The following CMPK1 variants were observed in gnomAD, a reference collection of about 807,000 sequenced individuals.
CMPK1 encodes cytidine/uridine monophosphate kinase 1, also known as UMP-CMP kinase.
In CMPK1, 10 loss-of-function variants were observed where a neutral mutation model predicts 25.7. The ratio of observed to expected loss-of-function variants is 0.39; its 90% confidence interval spans 0.24 to 0.66. CMPK1 has a LOEUF of 0.66. Ranked by LOEUF, CMPK1 falls within the 30% of genes least tolerant of loss-of-function variation. CMPK1 has a pLI of 0.48. For synonymous variants in CMPK1, 106 were observed against 101.5 expected (o/e 1.04, Z -0.27); for missense variants, 199 against 280.5 (o/e 0.71, Z 2.08).
In CMPK1 at chr1:47,357,184, C is replaced by G. The variant is rs923037109; in HGVS notation, c.172-11285C>G. On this transcript the variant is annotated intron_variant, in intron 1 of 5. Coordinates refer to ENST00000371873, the MANE Select transcript of CMPK1 (RefSeq NM_016308.3). ...TTCACCGTGTTAGCCAGGATGGTCT[C>G]GATCTTCTGACCTGGTGATCTGCCT... Among the ~76,000 whole-genome samples the G allele has an allele frequency of 9.2e-5, 14 of 152,118 alleles. No individual in the cohort carries two copies. In the East Asian group the frequency reaches 2.3e-3, roughly 25 times the overall value.
intron 2 of CMPK1, among the ~76,000 whole-genome samples, chr1:47,372,473 AC>A (rs1557433222): frequency 6.6e-6 from 1 of 152,208 alleles, no homozygotes; most frequent in Non-Finnish European, 1.5e-5. Flanking sequence ...AGAGTTGAGC[AC>A]CTGTAGAAGT....
intron 5 of CMPK1, among the ~76,000 whole-genome samples, chr1:47,375,967 C>G (rs992148008): frequency 6.6e-6 from 1 of 152,054 alleles, no homozygotes; most frequent in African/African-American, 2.4e-5. Context: ...TCCATTGACA[C>G]TTTGTATAGA....
At chr1:47,342,805 A>C (rs1646451247) in intron 1 of CMPK1, among the ~76,000 whole-genome samples, 1 of 151,428 alleles carries the variant, frequency 6.6e-6, no homozygotes, top group African/African-American at 2.4e-5. Context: ...ACTTGCCACC[A>C]TGCCCAGCTA....
chr1:47,355,543 G>A (rs2149329721), intron 1 of CMPK1, among the ~76,000 whole-genome samples: 1 of 151,628 alleles, frequency 6.6e-6, no homozygotes, highest in South Asian at 2.1e-4. Flanking sequence ...TGAAACTCCT[G>A]ACCTCGTAAT....
chr1:47,365,508 C>T (rs1473034435), intron 1 of CMPK1, among the ~76,000 whole-genome samples: 1 of 151,700 alleles, frequency 6.6e-6, no homozygotes, highest in Non-Finnish European at 1.5e-5. Flanking sequence ...GTGGCATGTA[C>T]CACTAGTCCC....
Position 47,376,894 on chromosome 1 carries a change from T to A in CMPK1, c.*149T>A. ...CATGGTAAAACAAAGTAAATTTTTT[T>A]ATGTTCTTTTTTTTGGTCACAGGAG... On this transcript the variant is annotated 3_prime_UTR_variant, in exon 6 of 6. Transcript: ENST00000371873. 2.1e-6 allele frequency: 1 copy of A among 484,116 alleles called. No individual in the cohort carries two copies. Among genetic ancestry groups the A allele is most frequent in the South Asian group, 3.5e-5 (1 of 28,244 alleles). 30.0% of individuals were successfully genotyped at this position (484,116 alleles called of 1,614,324 possible).
rs567929980 is a variant in CMPK1, at chr1:47,370,412, G to A, written c.318+1797G>A. ...CCAGCACTTTGGGAGGCCGAGGCAG[G>A]GGGATCACTTGAGGTCAGGAGTTCG... On this transcript the variant is annotated intron_variant, in intron 2 of 5. Transcript: ENST00000371873. 2.6e-5 allele frequency among the ~76,000 whole-genome samples: 4 copies of A among 151,840 alleles called. No homozygotes were observed. The South Asian group carries it at 6.2e-4, about 24-fold the overall frequency.
At chr1:47,360,752 A>G (rs1037360856) in intron 1 of CMPK1, among the ~76,000 whole-genome samples, 7 of 152,196 alleles carry the variant, frequency 4.6e-5, no homozygotes, top group Non-Finnish European at 2.9e-5. Flanking sequence ...ATGGATTTAC[A>G]GTAAGTCGAA....
At chr1:47,339,317 A>G (rs1343914601) in intron 1 of CMPK1, among the ~76,000 whole-genome samples, 2 of 152,012 alleles carry the variant, frequency 1.3e-5, no homozygotes, top group Non-Finnish European at 2.9e-5. Flanking sequence ...GCCTCACCCA[A>G]GAAGCATTTT....
Position 47,334,127 on chromosome 1 carries a change from G to T in CMPK1, c.171+11G>T, listed in dbSNP as rs1486004234. On this transcript the variant is annotated intron_variant, in intron 1 of 5. Transcript: ENST00000371873. ...GCCCGCATCGTCGAGGTGAGGCCCG[G>T]GCAGCAGGCGGGCTCCTTGGGGCTT... 2 of 1,486,770 alleles carry T rather than the reference G, an allele frequency of 1.3e-6. No homozygotes were observed. Among genetic ancestry groups the T allele is most frequent in the Admixed American group, 4.3e-5 (2 of 46,614 alleles). 92.1% of individuals were successfully genotyped at this position (1,486,770 alleles called of 1,614,324 possible).
chr1:47,336,249 C>G (rs1469367212), intron 1 of CMPK1, among the ~76,000 whole-genome samples: 1 of 152,136 alleles, frequency 6.6e-6, no homozygotes, highest in African/African-American at 2.4e-5. Context: ...GGGGCAAAGA[C>G]TTTAGAGTCA....
rs1646580036 is a variant in CMPK1, at chr1:47,358,642, T to C, written c.172-9827T>C. 4 of 993,204 alleles carry C rather than the reference T, an allele frequency of 4.0e-6. No homozygotes were observed. In the African/African-American group the frequency reaches 7.0e-5, roughly 17 times the overall value. The allele number at this position is 993,204 out of a possible 1,614,324, so 61.5% of individuals were successfully genotyped here. Reference sequence around the variant, plus strand: ...AACTTTAGTTTTAGTTATAAAACCTTAAGCACTCTAGTTCAGTGTTCTGAG... The same window carrying C: ...AACTTTAGTTTTAGTTATAAAACCTCAAGCACTCTAGTTCAGTGTTCTGAG... On this transcript the variant is annotated intron_variant, in intron 1 of 5. Transcript: ENST00000371873.
chr1:47,350,207 G>A (rs755857133), intron 1 of CMPK1, among the ~76,000 whole-genome samples: 3 of 152,122 alleles, frequency 2.0e-5, no homozygotes, highest in Non-Finnish European at 2.9e-5. Flanking sequence ...CCAAAGTGCT[G>A]GAATTACAGG....
intron 1 of CMPK1, among the ~76,000 whole-genome samples, chr1:47,340,063 CT>C: frequency 7.9e-6 from 1 of 126,502 alleles, no homozygotes; most frequent in Non-Finnish European, 1.6e-5. Flanking sequence ...CTCCCCTCCC[CT>C]TTCCCTTTCT....
At chr1:47,336,967 C>A (rs181473114) in intron 1 of CMPK1, among the ~76,000 whole-genome samples, 2 of 152,160 alleles carry the variant, frequency 1.3e-5, no homozygotes, top group Middle Eastern at 3.4e-3. Flanking sequence ...AATACCCATA[C>A]TACTACACTG....
intron 1 of CMPK1, among the ~76,000 whole-genome samples, chr1:47,360,064 G>C (rs1363699995): frequency 6.6e-6 from 1 of 152,136 alleles, no homozygotes; most frequent in Non-Finnish European, 1.5e-5. Flanking sequence ...GTTCTACAGT[G>C]ACAATAAGAA....
intron 1 of CMPK1, among the ~76,000 whole-genome samples, chr1:47,337,239 C>T (rs375386906): frequency 2.6e-5 from 4 of 152,028 alleles, no homozygotes; most frequent in East Asian, 1.9e-4. Flanking sequence ...GCCAAGATCA[C>T]GCCACTGCAG....
intron 1 of CMPK1, among the ~76,000 whole-genome samples, chr1:47,362,150 G>C (rs150569774): frequency 7.2e-6 from 1 of 139,848 alleles, no homozygotes; most frequent in Non-Finnish European, 1.5e-5. Context: ...GATTATAGGC[G>C]TGAGCCACAG....
At chr1:47,372,268 T>G (rs1646682449) in intron 2 of CMPK1, among the ~76,000 whole-genome samples, 1 of 152,180 alleles carries the variant, frequency 6.6e-6, no homozygotes, top group Admixed American at 6.6e-5. Flanking sequence ...AATTTTTGTA[T>G]TTTTAGTAGA....
Sources: allele counts gnomAD v4.1 joint callset (sites outside exome capture counted in the v4.1 genomes callset), GRCh38; gene constraint gnomAD v4.1.1; transcripts MANE v1.5; gene names NCBI Gene and HGNC (gene_info 2026-07-23, HGNC 2026-07-21).